The following BRCA2 variants were observed in gnomAD, a reference collection of about 807,000 sequenced individuals.
BRCA2 encodes the protein breast cancer type 2 susceptibility protein.
In BRCA2, 203 loss-of-function variants were observed where a neutral mutation model predicts 276.7. The observed-to-expected ratio is 0.73, with a 90% confidence interval of 0.65 to 0.82. The LOEUF (loss-of-function observed/expected upper bound fraction) is 0.82, where lower values mean the gene tolerates loss of function less well. Among genes scored for constraint, BRCA2 ranks in the 40% least tolerant of loss-of-function variants. The pLI, the probability that BRCA2 is intolerant of heterozygous loss-of-function variation, is 0.00. For missense variants in BRCA2, 3,920 were observed against 3,915.0 expected, an observed-to-expected ratio of 1.00 and a Z score of -0.03; for synonymous variants, 1,289 against 1,338.4, an observed-to-expected ratio of 0.96 and a Z score of 0.81.
intron 11 of BRCA2, 131 bp downstream of exon 11, chr13:32,341,327 G>T: frequency 7.7e-7 from 1 of 1,296,970 alleles, no homozygotes; most frequent in Non-Finnish European, 1.1e-6. Context: ...TAGTCAGTTT[G>T]GGGGAGTATG....
intron 13 of BRCA2, among the ~76,000 whole-genome samples, chr13:32,351,784 A>G (rs553043034): frequency 9.9e-5 from 15 of 151,196 alleles, no homozygotes; most frequent in African/African-American, 3.4e-4. Context: ...TTAATGTTAC[A>G]TTTTATTTTA....
chr13:32,322,289 G>A lies in BRCA2; in HGVS notation c.317-2787G>A, dbSNP rs1480067631. On this transcript the variant is annotated intron_variant, in intron 3 of 26. Coordinates refer to ENST00000380152, the MANE Select transcript of BRCA2 (RefSeq NM_000059.4). ...CTTCTTTCACTTAGCAATATGCCGA[G>A]ACCAGCTCGATTGTAGAGACCCTAA... Among the ~76,000 whole-genome samples, 2 of 152,276 alleles carry A rather than the reference G, an allele frequency of 1.3e-5. 1 individual carries two copies. Among genetic ancestry groups the A allele is most frequent in the Middle Eastern group, 6.8e-3 (2 of 292 alleles).
chr13:32,344,842 T>C (rs1222930781), intron 12 of BRCA2, among the ~76,000 whole-genome samples, 189 bp downstream of exon 12: 1 of 152,180 alleles, frequency 6.6e-6, no homozygotes. Context: ...TTATGTGGAA[T>C]ATATCTATTG....
At position 32,400,234 on chromosome 13, in the gene BRCA2, G is replaced by A. The variant is rs1043467713; in HGVS notation, c.*1464G>A. ...TGTTTTCAAATCTAATTATAAATAC[G>A]TTTAAAGCCAAGAATAAATCTTTTA... On this transcript the variant is annotated 3_prime_UTR_variant, in exon 27 of 27. Transcript: ENST00000380152. 11 of 152,194 alleles carry A rather than the reference G, an allele frequency of 7.2e-5. No homozygotes were observed. Among genetic ancestry groups the A allele is most frequent in the Middle Eastern group, 3.4e-3 (1 of 294 alleles). 9.4% of individuals were successfully genotyped at this position (152,194 alleles called of 1,614,324 possible).
chr13:32,336,156 C>T (rs2072445943), intron 10 of BRCA2, 109 bp from the exon 11 acceptor site: 3 of 1,249,298 alleles, frequency 2.4e-6, no homozygotes, highest in Non-Finnish European at 3.3e-6. Flanking sequence ...GCTGAGATTA[C>T]AGGCATGAGC....
intron 24 of BRCA2, among the ~76,000 whole-genome samples, chr13:32,381,456 T>G (rs1190196524): frequency 2.0e-5 from 3 of 151,976 alleles, no homozygotes; most frequent in Non-Finnish European, 1.5e-5. Flanking sequence ...AAGCTGACAT[T>G]TGAGTGAAGC....
In BRCA2 at chr13:32,399,461, A is replaced by T. The variant is rs1489811047; in HGVS notation, c.*691A>T. On this transcript the variant is annotated 3_prime_UTR_variant, in exon 27 of 27. Transcript: ENST00000380152. ...CCTTTTGAGCAATTCTTCATCCTTA[A>T]GTCAGCATGATTATAAGAAAAATAG... The T allele has an allele frequency of 5.3e-6, 1 of 186,956 alleles. No individual in the cohort carries two copies. Among genetic ancestry groups the T allele is most frequent in the East Asian group, 8.6e-5 (1 of 11,640 alleles). 11.6% of individuals were successfully genotyped at this position (186,956 alleles called of 1,614,324 possible). A position where few individuals can be genotyped will look rare whatever the true frequency, so the allele number is the denominator to read the frequency against.
At chr13:32,369,743 T>C (rs1013833658) in intron 18 of BRCA2, among the ~76,000 whole-genome samples, 3 of 152,068 alleles carry the variant, frequency 2.0e-5, no homozygotes, top group African/African-American at 7.2e-5. Context: ...CTGGCTACTT[T>C]TTTGGTTTTT....
intron 15 of BRCA2, 89 bp from the exon 16 acceptor site, chr13:32,357,653 C>T (rs1167637792): frequency 1.3e-5 from 18 of 1,400,202 alleles, no homozygotes; most frequent in Non-Finnish European, 1.8e-5. Flanking sequence ...TTGGTAAATT[C>T]AGTTTTGGTT....
In BRCA2 at chr13:32,336,614, T is replaced by C. The variant is rs1555282582; in HGVS notation, c.2259T>C (p.Phe753=). 3 of 1,614,118 alleles carry C rather than the reference T, an allele frequency of 1.9e-6. No individual in the cohort carries two copies. Among genetic ancestry groups the C allele is most frequent in the Non-Finnish European group, 2.5e-6 (3 of 1,180,000 alleles). The change falls in exon 11 of 27, where the codon TTT becomes TTC. Residue 753 remains phenylalanine (F), a synonymous_variant. Transcript: ENST00000380152. ...AAGTGGAATACAGTGATACTGACTT[T>C]CAATCCCAGAAAAGTCTTTTATATG... is the stretch of plus-strand genomic sequence containing the variant. The part of the protein sequence containing the change: ...HSKVEYSDTD[F]QSQKSLLYDH...
intron 18 of BRCA2, among the ~76,000 whole-genome samples, chr13:32,366,053 T>G (rs2137587751): frequency 6.6e-6 from 1 of 152,246 alleles, no homozygotes; most frequent in South Asian, 2.1e-4. Context: ...AGATTTGTCT[T>G]TAAATATTTT....
intron 24 of BRCA2, among the ~76,000 whole-genome samples, chr13:32,394,242 C>G (rs1394459254): frequency 6.6e-6 from 1 of 152,118 alleles, no homozygotes; most frequent in African/African-American, 2.4e-5. Context: ...TATAATGTTT[C>G]AGTGAGTAAC....
intron 13 of BRCA2, among the ~76,000 whole-genome samples, chr13:32,351,525 C>T (rs905264684): frequency 2.0e-5 from 3 of 152,142 alleles, no homozygotes; most frequent in East Asian, 1.9e-4. Flanking sequence ...GAACCAATTC[C>T]GGACACAGTA....
chr13:32,385,616 G>A, intron 24 of BRCA2: 1 of 265,014 alleles, frequency 3.8e-6, no homozygotes. Flanking sequence ...GGGCAGAACA[G>A]AGAAAAGGTA....
At position 32,340,878 on chromosome 13, in the gene BRCA2, G is replaced by C. The variant is rs876658412; in HGVS notation, c.6523G>C (p.Glu2175Gln). 3.1e-6 allele frequency: 5 copies of C among 1,604,768 alleles called. No homozygotes were observed. The highest frequency in any genetic ancestry group is 4.2e-6 in the Non-Finnish European group (5 of 1,177,618). ...ATTAGGAACCAAAGTGTCACTTGTT[G>C]AGAACATTCATGTTTTGGGAAAAGA... is the stretch of plus-strand genomic sequence containing the variant. The part of the protein sequence containing the change: ...LVLGTKVSLV[E>Q]NIHVLGKEQA... The change falls in exon 11 of 27, where the codon GAG (glutamate) becomes CAG (glutamine). Residue 2175 changes from glutamate (E) to glutamine (Q), a missense_variant. Around this residue, in one of 2 missense-constraint regions of BRCA2, gnomAD observed 3,263 missense variants for 3,156.9 expected, o/e 1.03. Transcript: ENST00000380152.
chr13:32,341,906 A>C (rs2072574058), intron 11 of BRCA2, among the ~76,000 whole-genome samples: 1 of 151,200 alleles, frequency 6.6e-6, no homozygotes, highest in Admixed American at 6.6e-5. Context: ...TATACCATTT[A>C]CTGGGTAATA....
intron 26 of BRCA2, among the ~76,000 whole-genome samples, chr13:32,397,810 T>G (rs1273557209): frequency 6.6e-6 from 1 of 152,182 alleles, no homozygotes; most frequent in Non-Finnish European, 1.5e-5. Context: ...AGAACCCAGA[T>G]AGTGTGTGTT....
chr13:32,371,170 A>G (rs1566249505), intron 20 of BRCA2, 70 bp downstream of exon 20: 4 of 1,514,110 alleles, frequency 2.6e-6, no homozygotes, highest in Non-Finnish European at 3.6e-6. Flanking sequence ...CTTTGAATTT[A>G]ACATTTTTAA....
At chr13:32,317,926 T>C (rs2072275392) in intron 2 of BRCA2, among the ~76,000 whole-genome samples, 1 of 152,262 alleles carries the variant, frequency 6.6e-6, no homozygotes, top group African/African-American at 2.4e-5. Flanking sequence ...TGAGTGCTTT[T>C]CTAGGCAGTA....
Sources: gnomAD v4.1 joint callset for allele counts (sites outside exome capture counted in the v4.1 genomes callset) on GRCh38, gnomAD v4.1.1 for gene constraint, gnomAD v4.1.1 regional missense constraint, MANE v1.5 for transcripts, NCBI Gene and HGNC (gene_info 2026-07-23, HGNC 2026-07-21) for gene names.